TBC1D14: variants seen among roughly 807,000 people sequenced by gnomAD.
The protein encoded by TBC1D14 is TBC1 domain family, member 14.
Under a neutral mutation model 79.0 loss-of-function variants are expected in TBC1D14, and 26 were observed. That is an observed-to-expected ratio of 0.33 (90% CI 0.24 to 0.46). TBC1D14 has a LOEUF of 0.46. Among genes scored for constraint, TBC1D14 ranks in the 20% least tolerant of loss-of-function variants. TBC1D14 has a pLI of 1.00. For synonymous variants in TBC1D14, 394 were observed against 349.9 expected (o/e 1.13, Z -1.40); for missense variants, 769 against 887.6 (o/e 0.87, Z 1.70).
intron 12 of TBC1D14, among the ~76,000 whole-genome samples, chr4:7,020,991 T>C (rs943981818): frequency 6.6e-6 from 1 of 152,236 alleles, no homozygotes; most frequent in South Asian, 2.1e-4. Context: ...GCACTTTCTG[T>C]TGTGTGCAGC....
chr4:6,987,374 C>G, intron 3 of TBC1D14: 1 of 1,417,282 alleles, frequency 7.1e-7, no homozygotes. Context: ...GGGCCGGTGC[C>G]TCTCCCTGCG....
At chr4:7,013,673 C>G (rs549514604) in intron 11 of TBC1D14, among the ~76,000 whole-genome samples, 1 of 152,090 alleles carries the variant, frequency 6.6e-6, no homozygotes, top group Non-Finnish European at 1.5e-5. Flanking sequence ...CTGCCGTTGA[C>G]TCAGACATGA....
intron 5 of TBC1D14, 21 bp downstream of exon 5, chr4:6,996,428 T>C (rs575204749): frequency 7.6e-6 from 12 of 1,583,970 alleles, no homozygotes; most frequent in Non-Finnish European, 1.0e-5. Context: ...TCACACTTGA[T>C]GGGTTAAATC....
At chr4:6,910,502 C>G (rs1271162079) in intron 1 of TBC1D14, 5 of 152,348 alleles carry the variant, frequency 3.3e-5, no homozygotes, top group Admixed American at 1.3e-4. Context: ...TGTCCCTGGG[C>G]TAGGGAATCT....
At position 7,006,782 on chromosome 4, in the gene TBC1D14, C is replaced by T. The variant is rs574600995; in HGVS notation, c.1446+56C>T. 4.6e-6 allele frequency: 7 copies of T among 1,521,602 alleles called. No individual in the cohort carries two copies. In the African/African-American group the frequency reaches 9.6e-5, roughly 21 times the overall value. 94.3% of individuals were successfully genotyped at this position (1,521,602 alleles called of 1,614,324 possible). On this transcript the variant is annotated intron_variant, in intron 9 of 13. Transcript: ENST00000409757. ...ATGTTTTGTCTAAAATTCATAGATG[C>T]TGAACTGTGTATATTTGTTGTCAAG...
At chr4:6,910,147 C>A (rs1015531592) in intron 1 of TBC1D14, 196 bp downstream of exon 1, 4 of 151,166 alleles carry the variant, frequency 2.6e-5, no homozygotes, top group African/African-American at 4.8e-5. Flanking sequence ...TGCGTGGCGC[C>A]CGGGGTGCCG....
At chr4:6,983,010 T>C (rs553116270) in intron 3 of TBC1D14, among the ~76,000 whole-genome samples, 24 of 152,340 alleles carry the variant, frequency 1.6e-4, no homozygotes, top group African/African-American at 5.3e-4. Flanking sequence ...TTGTTCTGTG[T>C]ACATGTCTAC....
chr4:6,977,504 C>G (rs1239065461), intron 3 of TBC1D14, among the ~76,000 whole-genome samples: 6 of 145,256 alleles, frequency 4.1e-5, no homozygotes, highest in Non-Finnish European at 7.6e-5. Flanking sequence ...GCCTTGGCCC[C>G]GCAAAGTGCC....
intron 4 of TBC1D14, among the ~76,000 whole-genome samples, chr4:6,994,552 T>C (rs1718816073): frequency 6.6e-6 from 1 of 152,160 alleles, no homozygotes; most frequent in Non-Finnish European, 1.5e-5. Context: ...CTTTAGCATT[T>C]AAAAATAAGT....
At chr4:7,004,956 G>A (rs746171184) in intron 8 of TBC1D14, 32 bp downstream of exon 8, 4 of 1,584,948 alleles carry the variant, frequency 2.5e-6, no homozygotes, top group Non-Finnish European at 2.6e-6. Flanking sequence ...GCGGACTGCT[G>A]TGGTCAATTA....
intron 5 of TBC1D14, among the ~76,000 whole-genome samples, chr4:6,997,613 G>A (rs1004348258): frequency 7.2e-5 from 11 of 151,946 alleles, no homozygotes; most frequent in African/African-American, 7.3e-5. Context: ...GTGACAGAGC[G>A]AGACTCCATC....
intron 2 of TBC1D14, among the ~76,000 whole-genome samples, chr4:6,952,662 A>G (rs1022826563): frequency 6.6e-6 from 1 of 152,214 alleles, no homozygotes; most frequent in Non-Finnish European, 1.5e-5. Flanking sequence ...TTGCATACAT[A>G]TAAACACACA....
chr4:6,921,537 A>G (rs1723859929), intron 1 of TBC1D14, among the ~76,000 whole-genome samples: 1 of 149,606 alleles, frequency 6.7e-6, no homozygotes, highest in African/African-American at 2.5e-5. Flanking sequence ...TTATTTTTTT[A>G]TTTTTTGAAA....
At chr4:7,011,608 G>T (rs1720783101) in intron 11 of TBC1D14, among the ~76,000 whole-genome samples, 1 of 151,968 alleles carries the variant, frequency 6.6e-6, no homozygotes, top group South Asian at 2.1e-4. Context: ...CCAGACTGGA[G>T]TGCAATGGTG....
At chr4:6,920,058 G>T (rs948986626) in intron 1 of TBC1D14, among the ~76,000 whole-genome samples, 1 of 152,054 alleles carries the variant, frequency 6.6e-6, no homozygotes, top group African/African-American at 2.4e-5. Context: ...GGGACTACAG[G>T]TGTGCACTAC....
At chr4:6,947,254 T>C (rs907373401) in intron 2 of TBC1D14, among the ~76,000 whole-genome samples, 2 of 152,032 alleles carry the variant, frequency 1.3e-5, no homozygotes, top group African/African-American at 4.8e-5. Context: ...TCCCAGCACT[T>C]TGGGAGGCCG....
At position 6,923,851 on chromosome 4, in the gene TBC1D14, C is replaced by G. The variant is rs1724062307; in HGVS notation, c.462C>G (p.Val154=). The G allele has an allele frequency of 6.2e-7, 1 of 1,614,206 alleles. No individual in the cohort carries two copies. The highest frequency in any genetic ancestry group is 1.1e-5 in the South Asian group (1 of 91,086). Residue 154 remains valine, a synonymous_variant, in exon 2 of 14, where the codon GTC becomes GTG. Coordinates refer to ENST00000409757, the MANE Select transcript of TBC1D14 (RefSeq NM_020773.3). ...AAGCCCTGACCCGCAGCGATGATGT[C>G]TCCGTCTGCAGCGTGTCCAGTCTTG... ...TSKALTRSDD[V]SVCSVSSLGT... is the part of the protein sequence containing the mutation.
chr4:6,994,335 G>C, intron 4 of TBC1D14, 33 bp downstream of exon 4: 1 of 1,590,424 alleles, frequency 6.3e-7, no homozygotes, highest in Non-Finnish European at 8.6e-7. Flanking sequence ...TAGAGTGTTT[G>C]CTTTAGGAAA....
chr4:6,915,572 C>T (rs541744543), intron 1 of TBC1D14, among the ~76,000 whole-genome samples: 2 of 152,232 alleles, frequency 1.3e-5, no homozygotes, highest in Admixed American at 1.3e-4. Context: ...CTGCATGCCT[C>T]GGTTTCCTCC....
Sources: allele counts gnomAD v4.1 joint callset (sites outside exome capture counted in the v4.1 genomes callset), GRCh38; gene constraint gnomAD v4.1.1; transcripts MANE v1.5; gene names NCBI Gene and HGNC (gene_info 2026-07-23, HGNC 2026-07-21).